GLG1: variants seen among roughly 807,000 people sequenced by gnomAD.
GLG1 encodes the protein Golgi apparatus protein 1.
In GLG1, 38 loss-of-function variants were observed where a neutral mutation model predicts 160.5. The observed-to-expected ratio is 0.24, with a 90% CI of 0.18 to 0.31. The LOEUF (loss-of-function observed/expected upper bound fraction) is 0.31. GLG1 is among the 10% of genes least tolerant of loss of function. GLG1 has a pLI of 1.00. For synonymous variants in GLG1, 644 were observed against 543.4 expected (o/e 1.19, Z -2.57); for missense variants, 1,373 against 1,505.2 (o/e 0.91, Z 1.45).
At chr16:74,510,051 G>C (rs1443582670) in intron 2 of GLG1, among the ~76,000 whole-genome samples, 21 of 137,998 alleles carry the variant, frequency 1.5e-4, no homozygotes, top group Admixed American at 1.3e-3. Context: ...TTTTTTTTGA[G>C]ACAGAGTTTC....
intron 1 of GLG1, among the ~76,000 whole-genome samples, chr16:74,588,578 C>T (rs562757318): frequency 3.9e-5 from 6 of 152,004 alleles, no homozygotes; most frequent in South Asian, 2.1e-4. Context: ...CACCACCACA[C>T]TGACTAATTT....
intron 1 of GLG1, among the ~76,000 whole-genome samples, chr16:74,565,078 C>A (rs1427124332): frequency 3.9e-5 from 6 of 152,134 alleles, no homozygotes; most frequent in Non-Finnish European, 8.8e-5. Context: ...GTGGCTCATG[C>A]CTGTAATCCC....
chr16:74,460,751 A>G (rs1005018065), intron 22 of GLG1, among the ~76,000 whole-genome samples: 3 of 152,226 alleles, frequency 2.0e-5, no homozygotes, highest in East Asian at 1.9e-4. Flanking sequence ...AATAAATGTC[A>G]TATCTTTACA....
chr16:74,513,403 T>C (rs2016875879), intron 2 of GLG1, among the ~76,000 whole-genome samples: 1 of 151,952 alleles, frequency 6.6e-6, no homozygotes, highest in African/African-American at 2.4e-5. Flanking sequence ...AACAGATATC[T>C]CATACAGGCA....
intron 1 of GLG1, among the ~76,000 whole-genome samples, chr16:74,580,378 C>A (rs960652589): frequency 1.3e-5 from 2 of 151,960 alleles, no homozygotes; most frequent in Non-Finnish European, 2.9e-5. Flanking sequence ...ATCTGCCTGT[C>A]GTCCCTGCTA....
intron 8 of GLG1, 86 bp downstream of exon 8, chr16:74,490,915 T>C (rs2015957831): frequency 2.2e-6 from 2 of 903,424 alleles, no homozygotes; most frequent in Non-Finnish European, 3.6e-6. Context: ...AGATGATCCA[T>C]ATAAAGCAAG....
chr16:74,550,867 C>T (rs2018180145), intron 1 of GLG1, among the ~76,000 whole-genome samples: 1 of 152,164 alleles, frequency 6.6e-6, no homozygotes, highest in African/African-American at 2.4e-5. Flanking sequence ...ATGTGAGAAG[C>T]TGAGAGGCAG....
rs1292631018 is a variant in GLG1, at chr16:74,448,337, G to T, written c.*4830C>A. On this transcript the variant is annotated 3_prime_UTR_variant, in exon 26 of 26. Transcript: ENST00000422840. ...TGGAGAGGAGGCGAGTGGGGAGGAA[G>T]GAAGTGTCCCTCAAGGCCTGAGAGA... 6.6e-6 allele frequency: 1 copy of T among 152,224 alleles called. No individual in the cohort carries two copies. Among genetic ancestry groups the T allele is most frequent in the African/African-American group, 2.4e-5 (1 of 41,438 alleles). The allele number at this position is 152,224 out of a possible 1,614,324, so 9.4% of individuals were successfully genotyped here.
Position 74,494,909 on chromosome 16 carries a change from GCTTT to G in GLG1, c.979-82_979-79del, listed in dbSNP as rs1380649201. On this transcript the variant is annotated intron_variant, in intron 5 of 25. Transcript: ENST00000422840. ...AACATTATCCACAATCTCATATAGA[GCTTT>G]CTATTAAACGATTATAATCGTACAT... The G allele has an allele frequency of 2.7e-6, 2 of 742,892 alleles. 1 individual carries two copies. The highest frequency in any genetic ancestry group is 3.5e-5 in the African/African-American group (2 of 57,372). 46.0% of individuals were successfully genotyped at this position (742,892 alleles called of 1,614,324 possible). A position where few individuals can be genotyped will look rare whatever the true frequency, so the allele number is the denominator to read the frequency against.
chr16:74,579,348 A>G (rs1178541822), intron 1 of GLG1, among the ~76,000 whole-genome samples: 3 of 96,568 alleles, frequency 3.1e-5, no homozygotes, highest in Non-Finnish European at 6.0e-5. Context: ...CTTGGGAGGT[A>G]AAGGCTGCAG....
chr16:74,599,381 C>G (rs1346589169), intron 1 of GLG1, among the ~76,000 whole-genome samples: 1 of 152,158 alleles, frequency 6.6e-6, no homozygotes, highest in Non-Finnish European at 1.5e-5. Context: ...TGTATTCCCA[C>G]AGATCACAAA....
intron 1 of GLG1, among the ~76,000 whole-genome samples, chr16:74,536,486 A>G (rs899815197): frequency 6.6e-6 from 1 of 152,190 alleles, no homozygotes; most frequent in Non-Finnish European, 1.5e-5. Context: ...TCTGGTCTCT[A>G]ATCTCAAGTT....
At chr16:74,524,434 C>T (rs1808436024) in intron 2 of GLG1, among the ~76,000 whole-genome samples, 1 of 151,844 alleles carries the variant, frequency 6.6e-6, no homozygotes, top group African/African-American at 2.4e-5. Flanking sequence ...AAATAAATTC[C>T]CTTCTAGGGT....
chr16:74,604,877 T>C (rs987013691), intron 1 of GLG1, among the ~76,000 whole-genome samples: 3 of 152,072 alleles, frequency 2.0e-5, no homozygotes, highest in African/African-American at 7.2e-5. Flanking sequence ...GGTGAAACCC[T>C]GTCTCTACTA....
intron 1 of GLG1, among the ~76,000 whole-genome samples, chr16:74,534,901 C>A (rs1443820536): frequency 6.6e-6 from 1 of 152,048 alleles, no homozygotes; most frequent in Non-Finnish European, 1.5e-5. Context: ...GTTAATGTAA[C>A]ATAATATAAT....
intron 2 of GLG1, among the ~76,000 whole-genome samples, chr16:74,531,536 G>A (rs546805619): frequency 4.0e-5 from 6 of 151,442 alleles, no homozygotes; most frequent in South Asian, 2.1e-4. Flanking sequence ...CATGTTGGCT[G>A]GGCTGGTCTC....
intron 19 of GLG1, among the ~76,000 whole-genome samples, chr16:74,464,205 ATC>A (rs1241343520): frequency 6.6e-6 from 1 of 152,126 alleles, no homozygotes; most frequent in African/African-American, 2.4e-5. Context: ...GTTTAATGGC[ATC>A]TGAGGAACTT....
chr16:74,526,062 G>A (rs2017322893), intron 2 of GLG1, among the ~76,000 whole-genome samples: 1 of 152,088 alleles, frequency 6.6e-6, no homozygotes, highest in Non-Finnish European at 1.5e-5. Flanking sequence ...ATTCAGGCTG[G>A]CCAGATACCC....
intron 1 of GLG1, among the ~76,000 whole-genome samples, chr16:74,581,956 C>G (rs1384985931): frequency 6.6e-6 from 1 of 152,084 alleles, no homozygotes; most frequent in Admixed American, 6.6e-5. Context: ...AAGTACAAAT[C>G]ATGTTCTGTG....
Sources: allele counts gnomAD v4.1 joint callset (sites outside exome capture counted in the v4.1 genomes callset), GRCh38; gene constraint gnomAD v4.1.1; transcripts MANE v1.5; gene names NCBI Gene and HGNC (gene_info 2026-07-23, HGNC 2026-07-21).